IQSEC1: variants seen among roughly 807,000 people sequenced by gnomAD.
IQSEC1 encodes IQ motif and Sec7 domain ArfGEF 1, also known as IQ motif and SEC7 domain-containing protein 1.
In IQSEC1, 31 loss-of-function variants were observed where a neutral mutation model predicts 91.0. The observed-to-expected ratio is 0.34, with a 90% CI of 0.26 to 0.46. IQSEC1 has a LOEUF of 0.46. Ranked by LOEUF, IQSEC1 falls within the 20% of genes least tolerant of loss-of-function variation. The pLI is 1.00. For missense variants in IQSEC1, 1,388 were observed against 1,575.6 expected, an observed-to-expected ratio of 0.88 and a Z score of 2.02; for synonymous variants, 699 against 662.6, an observed-to-expected ratio of 1.05 and a Z score of -0.84.
intron 12 of IQSEC1, among the ~76,000 whole-genome samples, chr3:12,905,092 G>A (rs1694826600): frequency 6.6e-6 from 1 of 152,248 alleles, no homozygotes; most frequent in Non-Finnish European, 1.5e-5. Flanking sequence ...CCCACAGCCA[G>A]CCGTGCAGAT....
At chr3:13,202,990 C>T (rs904517844) in intron 1 of IQSEC1, among the ~76,000 whole-genome samples, 1 of 152,158 alleles carries the variant, frequency 6.6e-6, no homozygotes, top group Non-Finnish European at 1.5e-5. Flanking sequence ...CACAGATGGC[C>T]CTCTGCCTGG....
chr3:13,250,616 T>A (rs962074868), intron 1 of IQSEC1, among the ~76,000 whole-genome samples: 1 of 109,134 alleles, frequency 9.2e-6, no homozygotes, highest in African/African-American at 5.2e-5. Context: ...TATTTTATTT[T>A]ATTTTATTTT....
intron 2 of IQSEC1, among the ~76,000 whole-genome samples, chr3:13,154,438 C>CACATATAT (rs1277879413): frequency 0.022 from 453 of 20,754 alleles, 51 homozygotes; most frequent in Middle Eastern, 0.053. Context: ...AACTTACATG[C>CACATATAT]ATATATATAT....
Position 13,010,011 on chromosome 3 carries a change from A to T in IQSEC1, c.23+62981T>A, listed in dbSNP as rs188095360. On this transcript the variant is annotated intron_variant, in intron 1 of 13. Transcript: ENST00000613206. Reference sequence around the variant, plus strand: ...TTGGGATTTGAGGACATTTGCTAACAGTGTGACCTTCGGCAAGTGACTGTG... The same window carrying T: ...TTGGGATTTGAGGACATTTGCTAACTGTGTGACCTTCGGCAAGTGACTGTG... Among the ~76,000 whole-genome samples, 8 of 152,360 alleles carry T rather than the reference A, an allele frequency of 5.3e-5. No individual in the cohort carries two copies. In the East Asian group the frequency reaches 1.5e-3, roughly 29 times the overall value.
rs1227593831 is a variant in IQSEC1, at chr3:12,899,121, C to T, written c.*1862G>A. 1 of 520,440 alleles carries T rather than the reference C, an allele frequency of 1.9e-6. No individual in the cohort carries two copies. 32.2% of individuals were successfully genotyped at this position (520,440 alleles called of 1,614,324 possible). ...GGAGATTAACAAAGTGCTTGGTTTG[C>T]AGATTTGCTGGTACGGTGATCTCAA... On this transcript the variant is annotated 3_prime_UTR_variant, in exon 14 of 14. Coordinates refer to ENST00000613206, the MANE Select transcript of IQSEC1 (RefSeq NM_001134382.3).
intron 1 of IQSEC1, among the ~76,000 whole-genome samples, chr3:13,071,958 G>A (rs1490659420): frequency 6.6e-6 from 1 of 152,254 alleles, no homozygotes; most frequent in Non-Finnish European, 1.5e-5. Flanking sequence ...CTCAGTGGAG[G>A]TGACGGGGAG....
In IQSEC1 at chr3:12,908,477, C is replaced by CA; in HGVS notation, c.2626dup (p.Cys876LeufsTer3). Reference sequence around the variant, plus strand: ...GCCCGACTCCTTTTTGAGGCTAGAGCACTGGGACATGCTGGGCCGCACGAC... The same window carrying CA: ...GCCCGACTCCTTTTTGAGGCTAGAGCAACTGGGACATGCTGGGCCGCACGAC... On this transcript the variant is annotated frameshift_variant, in exon 12 of 14. Coordinates refer to ENST00000613206, the MANE Select transcript of IQSEC1 (RefSeq NM_001134382.3). LOFTEE classifies it high-confidence loss of function. This position sits in a 1 kb window ranked among gnomAD's most constrained non-coding sequence, Gnocchi z 4.9. 6.2e-7 allele frequency: 1 copy of CA among 1,613,622 alleles called. No homozygotes were observed.
chr3:13,198,881 T>C (rs12636086), intron 1 of IQSEC1, among the ~76,000 whole-genome samples: 15,390 of 152,236 alleles, frequency 0.1, 1,625 homozygotes, highest in East Asian at 0.3. Context: ...ACACTTTCTG[T>C]TCCTGGGAAA....
chr3:13,017,402 G>A lies in IQSEC1; in HGVS notation c.23+55590C>T, dbSNP rs373322158. Among the ~76,000 whole-genome samples, 94 of 152,310 alleles carry A rather than the reference G, an allele frequency of 6.2e-4. 1 individual carries two copies. The highest frequency in any genetic ancestry group is 3.4e-3 in the Middle Eastern group (1 of 294). ...CTCAGCAAACTACTTGCTGATCAGC[G>A]GAAGAAAGCCTCTTCCCATGTGTCA... On this transcript the variant is annotated intron_variant, in intron 1 of 13. Transcript: ENST00000613206.
In IQSEC1 at chr3:13,050,054, A is replaced by ACC. The variant is rs1214705753; in HGVS notation, c.23+22936_23+22937dup. Among the ~76,000 whole-genome samples, 9 of 109,370 alleles carry ACC rather than the reference A, an allele frequency of 8.2e-5. 1 individual carries two copies. Among genetic ancestry groups the ACC allele is most frequent in the African/African-American group, 2.8e-4 (8 of 28,774 alleles). The allele number at this position is 109,370 out of a possible 152,430, so 71.8% of individuals were successfully genotyped here. The stretch of plus-strand genomic sequence containing the variant: ...CACTTCTCCCCACCTGTGTACCTGC[A>ACC]CCCCCACCCCCCGCCCCAGAAATCC... On this transcript the variant is annotated intron_variant, in intron 1 of 13. Coordinates refer to ENST00000613206, the MANE Select transcript of IQSEC1 (RefSeq NM_001134382.3).
chr3:13,149,746 C>T (rs549273963), intron 2 of IQSEC1, among the ~76,000 whole-genome samples: 11 of 152,126 alleles, frequency 7.2e-5, no homozygotes, highest in Non-Finnish European at 1.6e-4. Context: ...TGTCCGCTGC[C>T]CCAAGGCCCA....
At chr3:12,907,100 C>T (rs1695063211) in intron 12 of IQSEC1, among the ~76,000 whole-genome samples, 1 of 152,158 alleles carries the variant, frequency 6.6e-6, no homozygotes, top group Non-Finnish European at 1.5e-5. Flanking sequence ...GGGACGGTCC[C>T]CCAGCAAGGA....
chr3:13,055,844 TGGGGTGCAGGGTCCAGGCCC>T (rs1704859906), intron 1 of IQSEC1, among the ~76,000 whole-genome samples: 2 of 152,112 alleles, frequency 1.3e-5, no homozygotes, highest in South Asian at 4.2e-4. Context: ...GGAGGGGCCC[TGGGGTGCAGGGTCCAGGCCC>T]GGGGTGGGGC....
rs948574330 is a variant in IQSEC1 at position 13,207,489 on chromosome 3, C to G, written c.273-43356G>C. On this transcript the variant is annotated intron_variant, in intron 1 of 15. Coordinates refer to the IQSEC1 transcript ENST00000648114. The surrounding 1 kb of genome is among the most constrained non-coding windows in gnomAD (Gnocchi z 4.8). The stretch of plus-strand genomic sequence containing the variant: ...CCCCATGACACAACCCGCCAGAGCA[C>G]TCTGGCAATGTCACCACCCACTGCC... Among the ~76,000 whole-genome samples the G allele has an allele frequency of 1.3e-5, 2 of 152,140 alleles. No individual in the cohort carries two copies. The highest frequency in any genetic ancestry group is 2.4e-5 in the African/African-American group (1 of 41,432).
At chr3:13,123,031 GCT>G (rs900575071) in intron 2 of IQSEC1, among the ~76,000 whole-genome samples, 1 of 152,142 alleles carries the variant, frequency 6.6e-6, no homozygotes, top group Non-Finnish European at 1.5e-5. Context: ...GGAATTTATG[GCT>G]CTCTCTATTT....
intron 1 of IQSEC1, among the ~76,000 whole-genome samples, chr3:13,257,869 A>G (rs919458134): frequency 6.6e-6 from 1 of 152,250 alleles, no homozygotes; most frequent in Non-Finnish European, 1.5e-5. Flanking sequence ...AAACCTACAC[A>G]TGGGTGTTTA....
chr3:13,269,369 C>A (rs904350491), intron 1 of IQSEC1, among the ~76,000 whole-genome samples: 7 of 152,242 alleles, frequency 4.6e-5, no homozygotes, highest in African/African-American at 1.7e-4. Flanking sequence ...CCCTTTCCCT[C>A]TCTGGATGTT....
Position 13,277,931 on chromosome 3 carries a change from T to G in IQSEC1, c.272+4780A>C, listed in dbSNP as rs372761660. On this transcript the variant is annotated intron_variant, in intron 1 of 15. Coordinates refer to the IQSEC1 transcript ENST00000648114. ...GCCACTTTGAAGAACAACACACTTA[T>G]CAGGGGCTCCCGGCAGGACCCTCCT... 3.3e-4 allele frequency among the ~76,000 whole-genome samples: 50 copies of G among 152,210 alleles called. No individual in the cohort carries two copies. The East Asian group carries it at 4.8e-3, about 15-fold the overall frequency.
At chr3:13,042,649 C>A (rs1311603737) in intron 1 of IQSEC1, among the ~76,000 whole-genome samples, 3 of 152,218 alleles carry the variant, frequency 2.0e-5, no homozygotes, top group Non-Finnish European at 4.4e-5. Flanking sequence ...CCCTGGGGGT[C>A]CCTGGGACAC....
Sources: allele counts gnomAD v4.1 joint callset (sites outside exome capture counted in the v4.1 genomes callset), GRCh38; gene constraint gnomAD v4.1.1; non-coding constraint Gnocchi (gnomAD v3.1); transcripts MANE v1.5; gene names NCBI Gene and HGNC (gene_info 2026-07-23, HGNC 2026-07-21).